Variants in ADAMTS6 observed in about 807,000 individuals in gnomAD.
The protein encoded by ADAMTS6 is A disintegrin and metalloproteinase with thrombospondin motifs 6.
A neutral mutation model predicts 144.3 loss-of-function variants in ADAMTS6; 23 were observed. That is an observed-to-expected ratio of 0.16 (90% confidence interval 0.11 to 0.23). The LOEUF is 0.23. Ranked by LOEUF, ADAMTS6 falls within the 10% of genes least tolerant of loss-of-function variation. ADAMTS6 has a pLI of 1.00. For missense variants in ADAMTS6, 999 were observed against 1,379.6 expected (o/e 0.72, Z 4.37); for synonymous variants, 444 against 457.5 (o/e 0.97, Z 0.38).
At chr5:65,216,475 T>C (rs957836621) in intron 18 of ADAMTS6, among the ~76,000 whole-genome samples, 7 of 152,070 alleles carry the variant, frequency 4.6e-5, no homozygotes, top group African/African-American at 1.4e-4. Context: ...TATGGGTTTT[T>C]TTCTGGGGTG....
intron 10 of ADAMTS6, among the ~76,000 whole-genome samples, chr5:65,298,874 T>C (rs1743105175): frequency 6.6e-6 from 1 of 152,112 alleles, no homozygotes; most frequent in African/African-American, 2.4e-5. Context: ...GTTTTCAAAA[T>C]ATATGCTCTG....
intron 7 of ADAMTS6, among the ~76,000 whole-genome samples, chr5:65,344,076 A>G (rs916284032): frequency 6.6e-6 from 1 of 151,932 alleles, no homozygotes; most frequent in Admixed American, 6.6e-5. Flanking sequence ...AATATAGGGT[A>G]TTTTTTATTG....
At chr5:65,316,810 T>A (rs1238487051) in intron 9 of ADAMTS6, among the ~76,000 whole-genome samples, 1 of 81,314 alleles carries the variant, frequency 1.2e-5, no homozygotes, top group Non-Finnish European at 3.3e-5. Context: ...TAATAATCAT[T>A]TTTTTTTTTG....
rs946243932 is a variant in ADAMTS6, at chr5:65,380,291, G to A, written c.1074-46206C>T. 3.3e-5 allele frequency among the ~76,000 whole-genome samples: 5 copies of A among 152,094 alleles called. No homozygotes were observed. The South Asian group carries it at 6.3e-4, about 19-fold the overall frequency. ...TACTACCTTTAAAAATATACTGGGG[G>A]CCGGGAGTGGTGGCTTATGCTTGTA... On this transcript the variant is annotated intron_variant, in intron 7 of 24. Transcript: ENST00000381055.
intron 10 of ADAMTS6, chr5:65,297,047 T>C (rs1742909772): frequency 2.9e-6 from 1 of 346,290 alleles, no homozygotes; most frequent in South Asian, 2.3e-5. Context: ...CAGGTTCACC[T>C]TTCTCTATAG....
intron 18 of ADAMTS6, among the ~76,000 whole-genome samples, chr5:65,217,636 C>T (rs545119638): frequency 1.3e-5 from 2 of 152,142 alleles, no homozygotes; most frequent in African/African-American, 4.8e-5. Context: ...ATAAAGGAGT[C>T]TTCTTAAATA....
intron 12 of ADAMTS6, among the ~76,000 whole-genome samples, chr5:65,265,054 C>T (rs1482163781): frequency 1.3e-5 from 2 of 151,916 alleles, no homozygotes; most frequent in Non-Finnish European, 2.9e-5. Flanking sequence ...GTTGTAACAG[C>T]ATAACGGACT....
chr5:65,244,158 G>A (rs753872152), intron 14 of ADAMTS6, among the ~76,000 whole-genome samples: 7 of 151,992 alleles, frequency 4.6e-5, no homozygotes, highest in East Asian at 1.9e-4. Context: ...AAAAGGACTC[G>A]TCAGGGAGTG....
intron 20 of ADAMTS6, among the ~76,000 whole-genome samples, chr5:65,199,402 C>A (rs570757318): frequency 2.6e-4 from 40 of 152,188 alleles, no homozygotes; most frequent in African/African-American, 9.6e-4. Context: ...GCCTTTATTG[C>A]AAAAGCAGGG....
At chr5:65,315,951 G>A (rs940454845) in intron 9 of ADAMTS6, among the ~76,000 whole-genome samples, 4 of 151,898 alleles carry the variant, frequency 2.6e-5, no homozygotes, top group East Asian at 1.9e-4. Context: ...TCGCTCTGTC[G>A]CCCAGGCTGG....
intron 20 of ADAMTS6, among the ~76,000 whole-genome samples, chr5:65,206,639 G>T (rs1163500935): frequency 6.9e-6 from 1 of 145,362 alleles, no homozygotes; most frequent in East Asian, 2.0e-4. Context: ...GGTGGAAGTT[G>T]CAGTGAGCCA....
intron 10 of ADAMTS6, among the ~76,000 whole-genome samples, chr5:65,291,989 G>A (rs772692732): frequency 3.9e-5 from 6 of 152,030 alleles, no homozygotes; most frequent in Non-Finnish European, 5.9e-5. Flanking sequence ...GACAGATGAG[G>A]CCAACGACCA....
chr5:65,424,374 T>C (rs777365280), intron 7 of ADAMTS6, among the ~76,000 whole-genome samples: 1 of 152,226 alleles, frequency 6.6e-6, no homozygotes, highest in African/African-American at 2.4e-5. Context: ...CTCAAACTCA[T>C]CCACCTATCA....
chr5:65,424,069 C>A (rs1246404480), intron 7 of ADAMTS6, among the ~76,000 whole-genome samples: 2 of 152,092 alleles, frequency 1.3e-5, no homozygotes, highest in Non-Finnish European at 2.9e-5. Context: ...TTAGCTGCAA[C>A]AATATAAAAC....
intron 7 of ADAMTS6, among the ~76,000 whole-genome samples, chr5:65,447,134 C>T (rs2150242086): frequency 6.6e-6 from 1 of 152,242 alleles, no homozygotes; most frequent in Admixed American, 6.5e-5. Context: ...AATTGCTAAA[C>T]ATTGATGCAA....
At chr5:65,286,679 G>A (rs535928992) in intron 11 of ADAMTS6, among the ~76,000 whole-genome samples, 1 of 152,160 alleles carries the variant, frequency 6.6e-6, no homozygotes, top group Non-Finnish European at 1.5e-5. Flanking sequence ...ACCATTAAGT[G>A]TACTGGAAAA....
chr5:65,368,481 A>T (rs970974886), intron 7 of ADAMTS6, among the ~76,000 whole-genome samples: 1 of 152,206 alleles, frequency 6.6e-6, no homozygotes, highest in Non-Finnish European at 1.5e-5. Flanking sequence ...ACTCTCAGGG[A>T]GAAGCCCCTC....
At chr5:65,246,321 C>A (rs1759629173) in intron 14 of ADAMTS6, among the ~76,000 whole-genome samples, 1 of 152,150 alleles carries the variant, frequency 6.6e-6, no homozygotes, top group African/African-American at 2.4e-5. Context: ...CCTCTTAAAA[C>A]AAGGCAGCAA....
At chr5:65,325,493 T>G (rs1746072686) in intron 9 of ADAMTS6, among the ~76,000 whole-genome samples, 1 of 121,330 alleles carries the variant, frequency 8.2e-6, no homozygotes, top group Non-Finnish European at 1.6e-5. Context: ...TCAATATAGC[T>G]TTTTTTTTTT....
Sources: gnomAD v4.1 joint callset for allele counts (sites outside exome capture counted in the v4.1 genomes callset) on GRCh38, gnomAD v4.1.1 for gene constraint, MANE v1.5 for transcripts, NCBI Gene and HGNC (gene_info 2026-07-23, HGNC 2026-07-21) for gene names.